Variants in PPP1R37 observed in about 807,000 individuals in gnomAD.
The protein encoded by PPP1R37 is leucine rich repeat containing 68.
Under a neutral mutation model 61.0 loss-of-function variants are expected in PPP1R37, and 21 were observed. That is an observed-to-expected ratio of 0.34 (90% CI 0.24 to 0.50). PPP1R37 has a LOEUF of 0.50. Ranked by LOEUF, PPP1R37 falls within the 20% of genes least tolerant of loss-of-function variation. The pLI is 0.98. For missense variants in PPP1R37, 910 were observed against 952.7 expected (o/e 0.96, Z 0.59); for synonymous variants, 443 against 433.5 (o/e 1.02, Z -0.27).
intron 1 of PPP1R37, among the ~76,000 whole-genome samples, chr19:45,138,029 C>T (rs1057313700): frequency 1.4e-4 from 22 of 152,104 alleles, no homozygotes; most frequent in Non-Finnish European, 2.4e-4. Context: ...CTCTGCTGCT[C>T]GGGAGGATGC....
chr19:45,138,419 C>T (rs1968565531), intron 1 of PPP1R37, 95 bp from the exon 2 acceptor site: 4 of 802,800 alleles, frequency 5.0e-6, no homozygotes, highest in Non-Finnish European at 6.0e-6. Flanking sequence ...CTGAAGAGGG[C>T]AGTATGGGCA....
At chr19:45,115,931 G>A (rs1445067279) in intron 1 of PPP1R37, among the ~76,000 whole-genome samples, 1 of 151,566 alleles carries the variant, frequency 6.6e-6, no homozygotes, top group Non-Finnish European at 1.5e-5. Flanking sequence ...CTGAGATTGT[G>A]CCACTGCACT....
chr19:45,102,050 C>T (rs12461065), intron 1 of PPP1R37, among the ~76,000 whole-genome samples: 74,544 of 151,968 alleles, frequency 0.49, 18,763 homozygotes, highest in African/African-American at 0.57. Context: ...TGTCCTTGGC[C>T]TGCTTGGGAC....
At chr19:45,105,578 C>G (rs1469332433) in intron 1 of PPP1R37, among the ~76,000 whole-genome samples, 2 of 152,156 alleles carry the variant, frequency 1.3e-5, no homozygotes, top group Non-Finnish European at 2.9e-5. Context: ...CCCTGTGACC[C>G]ATGTGTCACA....
chr19:45,140,699 C>A, intron 4 of PPP1R37, 93 bp downstream of exon 4: 1 of 941,392 alleles, frequency 1.1e-6, no homozygotes, highest in Non-Finnish European at 1.6e-6. Flanking sequence ...AGGAGGGGGT[C>A]CCCTAGACAA....
intron 1 of PPP1R37, among the ~76,000 whole-genome samples, chr19:45,094,342 A>G (rs1967964395): frequency 6.6e-6 from 1 of 152,208 alleles, no homozygotes; most frequent in Non-Finnish European, 1.5e-5. Flanking sequence ...TCCAAAAAAA[A>G]GAGAAGCAGA....
intron 5 of PPP1R37, among the ~76,000 whole-genome samples, 158 bp downstream of exon 5, chr19:45,141,599 C>T (rs1023377858): frequency 1.3e-5 from 2 of 152,100 alleles, no homozygotes; most frequent in East Asian, 3.9e-4. Context: ...AGAACAGGGC[C>T]GAGAGGTGTC....
chr19:45,113,152 C>T (rs1399214024), intron 1 of PPP1R37, among the ~76,000 whole-genome samples: 4 of 152,298 alleles, frequency 2.6e-5, no homozygotes, highest in East Asian at 3.9e-4. Flanking sequence ...TGAAGCCCAC[C>T]CGGCCCTCTG....
At chr19:45,101,791 T>C (rs1968066981) in intron 1 of PPP1R37, among the ~76,000 whole-genome samples, 1 of 152,130 alleles carries the variant, frequency 6.6e-6, no homozygotes, top group South Asian at 2.1e-4. Context: ...AGGGTGAGAC[T>C]GAGACAGGGA....
At chr19:45,145,059 G>T (rs1363269187) in intron 9 of PPP1R37, 35 bp from the exon 10 acceptor site, 1 of 1,523,170 alleles carries the variant, frequency 6.6e-7, no homozygotes, top group Non-Finnish European at 8.8e-7. Context: ...AGCCGGGTGT[G>T]GGGCCCGTGG....
chr19:45,140,105 C>A, intron 2 of PPP1R37, 131 bp from the exon 3 acceptor site: 1 of 739,288 alleles, frequency 1.4e-6, no homozygotes, highest in Non-Finnish European at 2.3e-6. Context: ...GGCCTCTGAG[C>A]CTCTGTTCAG....
chr19:45,117,234 G>T (rs1164278572), intron 1 of PPP1R37, among the ~76,000 whole-genome samples: 2 of 152,094 alleles, frequency 1.3e-5, no homozygotes, highest in Non-Finnish European at 2.9e-5. Context: ...TTCGAGTTGA[G>T]ATCTGAATGG....
intron 1 of PPP1R37, among the ~76,000 whole-genome samples, chr19:45,107,108 G>T (rs527728761): frequency 4.0e-5 from 6 of 151,880 alleles, no homozygotes; most frequent in African/African-American, 1.4e-4. Flanking sequence ...GAGCCACCGT[G>T]CCCAGCTGAT....
At position 45,145,559 on chromosome 19, in the gene PPP1R37, C is replaced by T. The variant is rs913293122; in HGVS notation, c.1503C>T (p.Pro501=). The T allele has an allele frequency of 6.5e-7, 1 of 1,535,362 alleles. No individual in the cohort carries two copies. ...AGAACGGGGCCCCCAGCCCCGCACC[C>T]AGCCCGGACTCAGACTCAGACTCGG... The part of the protein sequence containing the change: ...GVQNGAPSPA[P]SPDSDSDSDS... Residue 501 remains proline, a synonymous_variant, in exon 11 of 13, where the codon CCC becomes CCT. Coordinates refer to ENST00000221462, the MANE Select transcript of PPP1R37 (RefSeq NM_019121.2).
intron 4 of PPP1R37, 87 bp downstream of exon 4, chr19:45,140,693 G>A (rs1968599632): frequency 2.0e-6 from 2 of 1,019,714 alleles, no homozygotes; most frequent in Non-Finnish European, 2.9e-6. Context: ...TGCAGGAGGA[G>A]GGGGTCCCCT....
At chr19:45,101,360 G>C (rs1446163330) in intron 1 of PPP1R37, among the ~76,000 whole-genome samples, 1 of 152,198 alleles carries the variant, frequency 6.6e-6, no homozygotes, top group Admixed American at 6.5e-5. Flanking sequence ...GGCTGGAGGA[G>C]GCAGGAGAGA....
At chr19:45,115,023 G>T (rs149639794) in intron 1 of PPP1R37, among the ~76,000 whole-genome samples, 1,570 of 152,218 alleles carry the variant, frequency 0.01, 26 homozygotes, top group African/African-American at 0.036. Context: ...CACAGGATTG[G>T]CTGTGTTTTC....
chr19:45,119,723 C>G (rs1380925358), intron 1 of PPP1R37, among the ~76,000 whole-genome samples: 1 of 152,216 alleles, frequency 6.6e-6, no homozygotes, highest in African/African-American at 2.4e-5. Flanking sequence ...GGCCCAGGAT[C>G]AGACCACTGG....
intron 1 of PPP1R37, among the ~76,000 whole-genome samples, chr19:45,105,737 T>C (rs1248542756): frequency 2.0e-5 from 3 of 152,186 alleles, no homozygotes; most frequent in African/African-American, 4.8e-5. Context: ...CAGTGTTCCG[T>C]TTCCCTGGAG....
Sources: gnomAD v4.1 joint callset for allele counts (sites outside exome capture counted in the v4.1 genomes callset) on GRCh38, gnomAD v4.1.1 for gene constraint, MANE v1.5 for transcripts, NCBI Gene and HGNC (gene_info 2026-07-23, HGNC 2026-07-21) for gene names.